Variants in TNFSF11 observed in about 807,000 individuals in gnomAD.
The protein encoded by TNFSF11 is tumor necrosis factor ligand superfamily member 11.
TNFSF11 carries 12 observed loss-of-function variants against 32.2 expected under a neutral mutation model. The ratio of observed to expected loss-of-function variants is 0.37; its 90% confidence interval spans 0.24 to 0.60. TNFSF11 has a LOEUF of 0.60. Among genes scored for constraint, TNFSF11 ranks in the 20% least tolerant of loss-of-function variants. The pLI, the probability that TNFSF11 is intolerant of heterozygous loss-of-function variation, is 0.66. For missense variants in TNFSF11, 345 were observed against 398.0 expected, an observed-to-expected ratio of 0.87 and a Z score of 1.13; for synonymous variants, 172 against 152.1, an observed-to-expected ratio of 1.13 and a Z score of -0.96.
intron 2 of TNFSF11, among the ~76,000 whole-genome samples, chr13:42,593,965 C>G (rs1208816108): frequency 1.3e-5 from 2 of 152,240 alleles, no homozygotes; most frequent in African/African-American, 4.8e-5. Context: ...CATCACAATG[C>G]ACAGGTGAGA....
intron 1 of TNFSF11, among the ~76,000 whole-genome samples, chr13:42,565,924 T>C (rs937504846): frequency 2.0e-5 from 3 of 152,174 alleles, no homozygotes; most frequent in Admixed American, 1.3e-4. Context: ...AAAAGCACTC[T>C]GGGAATATGG....
At chr13:42,581,092 G>C (rs200990852) in intron 1 of TNFSF11, 34 bp from the exon 2 acceptor site, 284 of 1,611,896 alleles carry the variant, frequency 1.8e-4, no homozygotes, top group Non-Finnish European at 2.3e-4. Context: ...CTAGTGATAA[G>C]CACTCTAACG....
At chr13:42,587,538 A>G (rs1873955517) in intron 2 of TNFSF11, among the ~76,000 whole-genome samples, 1 of 152,196 alleles carries the variant, frequency 6.6e-6, no homozygotes, top group South Asian at 2.1e-4. Context: ...AAAGGTCAAA[A>G]TACTTTGGGA....
chr13:42,598,378 T>G (rs1868935983), intron 2 of TNFSF11, among the ~76,000 whole-genome samples: 2 of 152,204 alleles, frequency 1.3e-5, no homozygotes, highest in South Asian at 4.1e-4. Flanking sequence ...AGATATACTG[T>G]GTATATATAA....
chr13:42,572,684 G>A (rs530575480), upstream of TNFSF11, among the ~76,000 whole-genome samples: 10 of 152,186 alleles, frequency 6.6e-5, no homozygotes, highest in Admixed American at 6.5e-4. Flanking sequence ...AGGCATTTTT[G>A]AATTTGAACA....
chr13:42,572,400 T>A (rs57023263), upstream of TNFSF11, among the ~76,000 whole-genome samples: 1,300 of 152,300 alleles, frequency 8.5e-3, 20 homozygotes, highest in African/African-American at 0.03. Flanking sequence ...TAACACATTT[T>A]AAAAATCTTT....
chr13:42,572,208 C>A (rs1256210417), upstream of TNFSF11, among the ~76,000 whole-genome samples: 1 of 152,116 alleles, frequency 6.6e-6, no homozygotes. Flanking sequence ...AACATACGGT[C>A]CCATATATGA....
In TNFSF11 at chr13:42,574,370, G is replaced by A. The variant is rs1276279083; in HGVS notation, c.67G>A (p.Gly23Arg). The A allele has an allele frequency of 1.3e-6, 2 of 1,542,656 alleles. No homozygotes were observed. Among genetic ancestry groups the A allele is most frequent in the African/African-American group, 1.4e-5 (1 of 72,398 alleles). The change falls in exon 1 of 5, where the codon GGA becomes AGA. Residue 23 changes from glycine (G) to arginine (R), a missense_variant. Gly to Arg is a moderately radical substitution (Grantham distance 125). Coordinates refer to ENST00000398795, the MANE Select transcript of TNFSF11 (RefSeq NM_003701.4). ...CTCGGAGGAGATGGGCGGCGGCCCC[G>A]GAGCCCCGCACGAGGGCCCCCTGCA... Reference protein sequence around the residue: ...RGSEEMGGGPGAPHEGPLHAP... With the variant: ...RGSEEMGGGPRAPHEGPLHAP...
chr13:42,600,766 C>G lies in TNFSF11; in HGVS notation c.402C>G (p.Ile134Met), dbSNP rs1050843946. ...TTTTATTTCAGGAATTACAACATAT[C>G]GTTGGATCACAGCACATCAGAGCAG... ...QGAVQKELQH[I>M]VGSQHIRAEK... is the part of the protein sequence containing the mutation. The change falls in exon 3 of 5, where the codon ATC (isoleucine) becomes ATG (methionine). Residue 134 changes from isoleucine to methionine, a missense_variant. Around this residue, in one of 2 missense-constraint regions of TNFSF11, gnomAD observed 197 missense variants for 182.0 expected, o/e 1.08. Coordinates refer to ENST00000398795, the MANE Select transcript of TNFSF11 (RefSeq NM_003701.4). The G allele has an allele frequency of 6.2e-7, 1 of 1,613,808 alleles. No homozygotes were observed. The highest frequency in any genetic ancestry group is 1.3e-5 in the African/African-American group (1 of 74,888).
chr13:42,574,029 G>A, upstream of TNFSF11: 1 of 523,650 alleles, frequency 1.9e-6, no homozygotes, highest in South Asian at 2.2e-5. Flanking sequence ...AGAGAGGGAG[G>A]GCGAAAGGAA....
At position 42,607,857 on chromosome 13, in the gene TNFSF11, AC is replaced by A. The variant is rs1218896539; in HGVS notation, c.*941del. On this transcript the variant is annotated 3_prime_UTR_variant, in exon 5 of 5. Transcript: ENST00000398795. ...TTTTTCCACAAGTGCCGCAAATTGT[AC>A]CTTTTTTGTTTTTTCAAAATAGAAA... is the stretch of plus-strand genomic sequence containing the variant. 2 of 152,248 alleles carry A rather than the reference AC, an allele frequency of 1.3e-5. No homozygotes were observed. The highest frequency in any genetic ancestry group is 1.3e-4 in the Admixed American group (2 of 15,240). 9.4% of individuals were successfully genotyped at this position (152,248 alleles called of 1,614,324 possible).
chr13:42,564,720 G>A (rs886568216), intron 1 of TNFSF11, among the ~76,000 whole-genome samples: 16 of 152,136 alleles, frequency 1.1e-4, no homozygotes, highest in African/African-American at 3.1e-4. Context: ...ACCAAGCATT[G>A]TATATAAAAG....
At chr13:42,598,731 A>G (rs1355274539) in intron 2 of TNFSF11, among the ~76,000 whole-genome samples, 1 of 152,246 alleles carries the variant, frequency 6.6e-6, no homozygotes, top group African/African-American at 2.4e-5. Context: ...CATTTGCAGC[A>G]GGTAGTAGAG....
chr13:42,597,557 G>T (rs1868888185), intron 2 of TNFSF11, among the ~76,000 whole-genome samples: 1 of 152,022 alleles, frequency 6.6e-6, no homozygotes, highest in Non-Finnish European at 1.5e-5. Context: ...TGCTTCTTTG[G>T]CCTGGATATC....
chr13:42,596,183 G>T (rs1482505184), intron 2 of TNFSF11, among the ~76,000 whole-genome samples: 2 of 152,114 alleles, frequency 1.3e-5, no homozygotes, highest in African/African-American at 2.4e-5. Context: ...GACTCGATAG[G>T]GTCATGTTTG....
chr13:42,603,129 T>C (rs1869266858), intron 4 of TNFSF11, among the ~76,000 whole-genome samples: 1 of 152,236 alleles, frequency 6.6e-6, no homozygotes, highest in Non-Finnish European at 1.5e-5. Context: ...TAAATTTGCA[T>C]GTTCATTTTG....
At chr13:42,586,093 C>T (rs558102611) in intron 2 of TNFSF11, among the ~76,000 whole-genome samples, 7 of 152,206 alleles carry the variant, frequency 4.6e-5, no homozygotes, top group Admixed American at 2.0e-4. Flanking sequence ...TACAAATATA[C>T]GAGAGTGATT....
upstream of TNFSF11, among the ~76,000 whole-genome samples, chr13:42,570,462 G>T (rs1217364791): frequency 6.6e-6 from 1 of 152,142 alleles, no homozygotes; most frequent in Non-Finnish European, 1.5e-5. Flanking sequence ...GAGAAATGTT[G>T]ATCCAAACAT....
intron 2 of TNFSF11, 32 bp from the exon 3 acceptor site, chr13:42,600,720 A>C (rs530862098): frequency 1.3e-6 from 2 of 1,581,042 alleles, no homozygotes; most frequent in African/African-American, 2.7e-5. Flanking sequence ...GAATGATTTT[A>C]TAAATAAAAT....
Sources: allele counts gnomAD v4.1 joint callset (sites outside exome capture counted in the v4.1 genomes callset), GRCh38; gene constraint gnomAD v4.1.1; regional missense constraint gnomAD v4.1.1; transcripts MANE v1.5; gene names NCBI Gene and HGNC (gene_info 2026-07-23, HGNC 2026-07-21).